The following CADPS2 variants were observed in gnomAD, a reference collection of about 807,000 sequenced individuals.
CADPS2 encodes the protein calcium dependent secretion activator 2.
A neutral mutation model predicts 172.5 loss-of-function variants in CADPS2; 93 were observed. The observed-to-expected ratio is 0.54, with a 90% CI of 0.46 to 0.64. CADPS2 has a LOEUF of 0.64. Ranked by LOEUF, CADPS2 falls within the 30% of genes least tolerant of loss-of-function variation. CADPS2 has a pLI of 0.00. For missense variants in CADPS2, 1,420 were observed against 1,565.9 expected (o/e 0.91, Z 1.57); for synonymous variants, 546 against 555.2 (o/e 0.98, Z 0.23).
chr7:122,442,662 G>C (rs1028181164), intron 15 of CADPS2, among the ~76,000 whole-genome samples: 12 of 152,028 alleles, frequency 7.9e-5, no homozygotes, highest in Non-Finnish European at 1.5e-4. Context: ...AGAAGAGATT[G>C]ATTTCTCCTT....
chr7:122,399,487 G>GT, intron 20 of CADPS2, among the ~76,000 whole-genome samples: 1 of 152,042 alleles, frequency 6.6e-6, no homozygotes, highest in East Asian at 1.9e-4. Flanking sequence ...TCCTCATGCT[G>GT]TTTTTTAAAT....
At chr7:122,532,274 G>C (rs1334385982) in intron 8 of CADPS2, among the ~76,000 whole-genome samples, 1 of 151,922 alleles carries the variant, frequency 6.6e-6, no homozygotes, top group African/African-American at 2.4e-5. Flanking sequence ...ACAATCACGG[G>C]CAAAAAAATT....
intron 1 of CADPS2, among the ~76,000 whole-genome samples, chr7:122,782,369 C>T (rs997252193): frequency 6.8e-6 from 1 of 146,960 alleles, no homozygotes; most frequent in Non-Finnish European, 1.5e-5. Flanking sequence ...TACTGAAACA[C>T]CAGTAGCAAA....
chr7:122,768,924 A>G (rs1230020733), intron 1 of CADPS2, among the ~76,000 whole-genome samples: 1 of 151,998 alleles, frequency 6.6e-6, no homozygotes, highest in Non-Finnish European at 1.5e-5. Flanking sequence ...GATAACCTGA[A>G]AGACAGCATA....
chr7:122,821,550 T>C (rs982783356), intron 1 of CADPS2, among the ~76,000 whole-genome samples: 3 of 152,124 alleles, frequency 2.0e-5, no homozygotes, highest in African/African-American at 7.2e-5. Flanking sequence ...ACTGGATAGG[T>C]AGAGGCCTTT....
At chr7:122,622,306 T>C (rs2075682967) in intron 4 of CADPS2, among the ~76,000 whole-genome samples, 1 of 152,176 alleles carries the variant, frequency 6.6e-6, no homozygotes, top group African/African-American at 2.4e-5. Context: ...TGGCTATAAA[T>C]TCAGTTTTTT....
chr7:122,328,041 A>T (rs969926952), intron 28 of CADPS2, among the ~76,000 whole-genome samples: 1 of 152,100 alleles, frequency 6.6e-6, no homozygotes, highest in Non-Finnish European at 1.5e-5. Flanking sequence ...GAAAAGCAGC[A>T]ACTTAGCTCA....
intron 25 of CADPS2, among the ~76,000 whole-genome samples, chr7:122,372,226 C>G (rs1275561374): frequency 6.6e-6 from 1 of 152,154 alleles, no homozygotes; most frequent in Admixed American, 6.6e-5. Flanking sequence ...CTTTTAATTG[C>G]TATTCTGCAC....
At chr7:122,336,599 T>G (rs1312189986) in intron 28 of CADPS2, among the ~76,000 whole-genome samples, 1 of 152,224 alleles carries the variant, frequency 6.6e-6, no homozygotes, top group Non-Finnish European at 1.5e-5. Context: ...ATGTTCCTTA[T>G]AATCAATTCA....
At chr7:122,565,046 A>G (rs1160529354) in intron 7 of CADPS2, among the ~76,000 whole-genome samples, 1 of 152,076 alleles carries the variant, frequency 6.6e-6, no homozygotes, top group Non-Finnish European at 1.5e-5. Flanking sequence ...ATGGAGAGGA[A>G]GGGAATAATA....
intron 1 of CADPS2, among the ~76,000 whole-genome samples, chr7:122,853,124 T>G (rs2141138254): frequency 6.6e-6 from 1 of 152,300 alleles, no homozygotes; most frequent in Non-Finnish European, 1.5e-5. Flanking sequence ...TCTATTCTCC[T>G]CCCTCCTATT....
intron 1 of CADPS2, among the ~76,000 whole-genome samples, chr7:122,871,167 G>A (rs1466002707): frequency 2.0e-5 from 3 of 150,922 alleles, no homozygotes; most frequent in African/African-American, 7.3e-5. Context: ...GGAGGGGAGA[G>A]ATTGCCACAG....
chr7:122,462,060 A>T (rs1036428243), intron 14 of CADPS2, among the ~76,000 whole-genome samples: 3 of 152,246 alleles, frequency 2.0e-5, no homozygotes, highest in Non-Finnish European at 4.4e-5. Context: ...ACAGTGTATA[A>T]GAGTCCATTT....
At chr7:122,427,662 C>G (rs1414125456) in intron 17 of CADPS2, among the ~76,000 whole-genome samples, 1 of 152,120 alleles carries the variant, frequency 6.6e-6, no homozygotes, top group Non-Finnish European at 1.5e-5. Context: ...ATGGATCTGA[C>G]CCTATGCTTG....
intron 2 of CADPS2, among the ~76,000 whole-genome samples, chr7:122,704,267 C>T (rs1272572866): frequency 6.6e-6 from 1 of 151,582 alleles, no homozygotes; most frequent in Admixed American, 6.6e-5. Flanking sequence ...TAAAAAAAAA[C>T]TCTAGGAAAC....
chr7:122,468,463 T>C (rs1469573730), intron 14 of CADPS2, among the ~76,000 whole-genome samples: 1 of 152,202 alleles, frequency 6.6e-6, no homozygotes, highest in Non-Finnish European at 1.5e-5. Flanking sequence ...CACATTGAAA[T>C]ATTTCTATTT....
chr7:122,718,225 C>T (rs1449301220), intron 2 of CADPS2, among the ~76,000 whole-genome samples: 2 of 151,956 alleles, frequency 1.3e-5, no homozygotes, highest in Non-Finnish European at 2.9e-5. Flanking sequence ...ACAATTCAAC[C>T]ATTACATCTT....
At chr7:122,839,816 T>C (rs1165924206) in intron 1 of CADPS2, among the ~76,000 whole-genome samples, 2 of 152,162 alleles carry the variant, frequency 1.3e-5, no homozygotes, top group African/African-American at 2.4e-5. Flanking sequence ...ATAGGAACAC[T>C]TTTACACTGT....
At chr7:122,681,048 A>G (rs1175558007) in intron 2 of CADPS2, among the ~76,000 whole-genome samples, 1 of 149,318 alleles carries the variant, frequency 6.7e-6, no homozygotes, top group Admixed American at 6.7e-5. Context: ...CAAACACCGC[A>G]TATTCTCACT....
Sources: allele counts gnomAD v4.1 joint callset (sites outside exome capture counted in the v4.1 genomes callset), GRCh38; gene constraint gnomAD v4.1.1; transcripts MANE v1.5; gene names NCBI Gene and HGNC (gene_info 2026-07-23, HGNC 2026-07-21).